The following DGKH variants were observed in gnomAD, a reference collection of about 807,000 sequenced individuals.
DGKH encodes DAG kinase eta.
DGKH carries 90 observed loss-of-function variants against 159.3 expected under a neutral mutation model. The observed-to-expected ratio is 0.57, with a 90% CI of 0.48 to 0.67. DGKH has a LOEUF of 0.67. Among genes scored for constraint, DGKH ranks in the 30% least tolerant of loss-of-function variants. The pLI, the probability that DGKH is intolerant of heterozygous loss-of-function variation, is 0.00. For synonymous variants in DGKH, 536 were observed against 553.8 expected (o/e 0.97, Z 0.45); for missense variants, 1,181 against 1,506.1 (o/e 0.78, Z 3.57).
At chr13:42,088,115 C>T (rs546990532) in intron 1 of DGKH, among the ~76,000 whole-genome samples, 19 of 152,212 alleles carry the variant, frequency 1.2e-4, no homozygotes, top group Non-Finnish European at 2.2e-4. Context: ...AATAGAGCGA[C>T]AGTTTTAAAT....
intron 14 of DGKH, 129 bp downstream of exon 14, chr13:42,187,277 G>A: frequency 1.4e-6 from 1 of 731,478 alleles, no homozygotes; most frequent in Non-Finnish European, 2.3e-6. Flanking sequence ...AAATTACTTT[G>A]GATCAGATCT....
chr13:42,081,329 A>G (rs937069774), intron 1 of DGKH, among the ~76,000 whole-genome samples: 1 of 151,970 alleles, frequency 6.6e-6, no homozygotes, highest in Non-Finnish European at 1.5e-5. Context: ...TCCTGGGTTC[A>G]AGCGATTCTC....
At chr13:42,073,602 T>C (rs1439269013) in intron 1 of DGKH, among the ~76,000 whole-genome samples, 1 of 152,192 alleles carries the variant, frequency 6.6e-6, no homozygotes, top group East Asian at 1.9e-4. Flanking sequence ...TGAGCACATG[T>C]AAAGTAGGCA....
intron 1 of DGKH, among the ~76,000 whole-genome samples, chr13:42,050,510 T>G (rs1039581750): frequency 3.3e-5 from 5 of 152,228 alleles, no homozygotes; most frequent in African/African-American, 9.6e-5. Context: ...ATCTTGTAAC[T>G]CCTTTTAATA....
At chr13:42,164,874 A>T (rs908696264) in intron 7 of DGKH, among the ~76,000 whole-genome samples, 5 of 152,204 alleles carry the variant, frequency 3.3e-5, no homozygotes, top group Admixed American at 3.3e-4. Context: ...AAAAGCAGGC[A>T]CTTTATAGAT....
chr13:42,177,270 A>G (rs979574054), intron 12 of DGKH, among the ~76,000 whole-genome samples: 3 of 152,152 alleles, frequency 2.0e-5, no homozygotes, highest in Non-Finnish European at 2.9e-5. Context: ...TACTTATAAA[A>G]TAGAATCATT....
At chr13:42,072,794 C>T (rs1366444398) in intron 1 of DGKH, among the ~76,000 whole-genome samples, 1 of 152,094 alleles carries the variant, frequency 6.6e-6, no homozygotes, top group East Asian at 1.9e-4. Flanking sequence ...CCTCCCTCAC[C>T]TCAGAGGTCA....
At chr13:42,084,458 A>AT (rs1428465553) in intron 1 of DGKH, among the ~76,000 whole-genome samples, 1 of 152,060 alleles carries the variant, frequency 6.6e-6, no homozygotes, top group Non-Finnish European at 1.5e-5. Flanking sequence ...AAACTACCAG[A>AT]TTTTTTTAAA....
intron 13 of DGKH, among the ~76,000 whole-genome samples, chr13:42,185,326 A>G (rs1271789879): frequency 6.6e-6 from 1 of 152,192 alleles, no homozygotes; most frequent in African/African-American, 2.4e-5. Flanking sequence ...GCACTCTCCT[A>G]ACCTTCACAT....
intron 13 of DGKH, among the ~76,000 whole-genome samples, chr13:42,183,029 C>CT (rs1350259478): frequency 1.3e-5 from 2 of 152,074 alleles, no homozygotes; most frequent in African/African-American, 2.4e-5. Flanking sequence ...TGGTCCATGC[C>CT]TATAATCTCA....
chr13:42,160,067 T>C lies in DGKH; in HGVS notation c.786T>C (p.Ala262=). The change falls in exon 7 of 30, where the codon GCT becomes GCC. Residue 262 remains alanine, a synonymous_variant. Transcript: ENST00000337343. Reference sequence around the variant, plus strand: ...ACCTGCCTGTAAGTGCCAAGTGTGCTGTCTGCGACAAAACATGTGGCAGTG... The same window carrying C: ...ACCTGCCTGTAAGTGCCAAGTGTGCCGTCTGCGACAAAACATGTGGCAGTG... ...EGNLPVSAKC[A]VCDKTCGSVL... The C allele has an allele frequency of 6.2e-7, 1 of 1,614,260 alleles. No individual in the cohort carries two copies. Among genetic ancestry groups the C allele is most frequent in the Non-Finnish European group, 8.5e-7 (1 of 1,180,046 alleles).
chr13:42,044,581 G>A (rs181853342), upstream of DGKH, among the ~76,000 whole-genome samples: 53 of 152,246 alleles, frequency 3.5e-4, no homozygotes, highest in African/African-American at 1.0e-3. Flanking sequence ...GAGCCACTGC[G>A]CCCGCCCCAG....
downstream of DGKH, among the ~76,000 whole-genome samples, chr13:42,244,689 G>A (rs1318119288): frequency 3.3e-5 from 5 of 151,882 alleles, no homozygotes; most frequent in Non-Finnish European, 1.5e-5. Flanking sequence ...CGGATCACGA[G>A]GTCAGGAGAT....
intron 1 of DGKH, among the ~76,000 whole-genome samples, chr13:42,104,174 T>A (rs1165668397): frequency 2.6e-5 from 4 of 152,194 alleles, no homozygotes; most frequent in Non-Finnish European, 5.9e-5. Context: ...ATTTCTCTCT[T>A]ATATCCCAGT....
At chr13:42,097,429 C>T (rs925734479) in intron 1 of DGKH, among the ~76,000 whole-genome samples, 6 of 152,100 alleles carry the variant, frequency 3.9e-5, no homozygotes, top group South Asian at 2.1e-4. Context: ...CGCCTGTGTC[C>T]GTCACTGTTT....
In DGKH at chr13:42,206,125, G is replaced by T; in HGVS notation, c.2580G>T (p.Trp860Cys). The T allele has an allele frequency of 6.9e-7, 1 of 1,446,738 alleles. No homozygotes were observed. The highest frequency in any genetic ancestry group is 9.2e-7 in the Non-Finnish European group (1 of 1,092,660). 89.6% of individuals were successfully genotyped at this position (1,446,738 alleles called of 1,614,324 possible). The change falls in exon 21 of 30, where the codon TGG becomes TGT. Residue 860 changes from tryptophan to cysteine, a missense_variant. Around this residue, in one of 5 missense-constraint regions of DGKH, gnomAD observed 335 missense variants for 495.2 expected, o/e 0.68. Coordinates refer to ENST00000337343, the MANE Select transcript of DGKH (RefSeq NM_178009.5). ...IPSYAGGTNFWGGTKEDDIFA... is the reference protein window; with the variant it reads ...IPSYAGGTNFCGGTKEDDIFA... The stretch of plus-strand genomic sequence containing the variant: ...GCTATGCTGGAGGCACTAACTTTTG[G>T]GGTGGAACTAAAGAGGATGATGTAA...
chr13:42,058,700 A>G (rs1021360310), intron 1 of DGKH, among the ~76,000 whole-genome samples: 6 of 152,304 alleles, frequency 3.9e-5, no homozygotes, highest in African/African-American at 1.4e-4. Flanking sequence ...CCCCTTGCAG[A>G]TAGATGGAGC....
chr13:42,070,475 T>C, intron 1 of DGKH: 1 of 1,276,032 alleles, frequency 7.8e-7, no homozygotes, highest in South Asian at 1.2e-5. Flanking sequence ...AGTATAATTA[T>C]TAGGAGAAAG....
intron 1 of DGKH, among the ~76,000 whole-genome samples, chr13:42,075,870 C>T (rs1356444984): frequency 2.0e-5 from 3 of 152,208 alleles, no homozygotes; most frequent in Non-Finnish European, 4.4e-5. Flanking sequence ...GATTTCTATG[C>T]TTCTAATTGA....
Sources: allele counts gnomAD v4.1 joint callset (sites outside exome capture counted in the v4.1 genomes callset), GRCh38; gene constraint gnomAD v4.1.1; regional missense constraint gnomAD v4.1.1; transcripts MANE v1.5; gene names NCBI Gene and HGNC (gene_info 2026-07-23, HGNC 2026-07-21).